Variants in FAM149B1 observed in about 807,000 individuals in gnomAD.
FAM149B1 encodes the protein family with sequence similarity 149 member B1.
Under a neutral mutation model 75.3 loss-of-function variants are expected in FAM149B1, and 56 were observed. The observed-to-expected ratio is 0.74, with a 90% CI of 0.60 to 0.93. The LOEUF (loss-of-function observed/expected upper bound fraction) is 0.93, where lower values mean the gene tolerates loss of function less well. FAM149B1 is among the 40% of genes least tolerant of loss of function. The probability of loss-of-function intolerance (pLI) is 0.00; values close to 1 mark genes in which losing one functional copy is unlikely to be tolerated. For synonymous variants in FAM149B1, 259 were observed against 256.1 expected (o/e 1.01, Z -0.11); for missense variants, 639 against 708.4 (o/e 0.90, Z 1.11).
At chr10:73,170,613 G>C (rs1167246147) in intron 1 of FAM149B1, among the ~76,000 whole-genome samples, 1 of 152,020 alleles carries the variant, frequency 6.6e-6, no homozygotes, top group African/African-American at 2.4e-5. Flanking sequence ...CTTTTACTTG[G>C]GATACAATAG....
chr10:73,189,971 T>C (rs1370149780), intron 3 of FAM149B1, among the ~76,000 whole-genome samples: 1 of 152,210 alleles, frequency 6.6e-6, no homozygotes, highest in Non-Finnish European at 1.5e-5. Flanking sequence ...GATATTAACT[T>C]AAGAACAGGC....
At chr10:73,187,292 A>G (rs999242843) in intron 3 of FAM149B1, among the ~76,000 whole-genome samples, 6 of 151,540 alleles carry the variant, frequency 4.0e-5, no homozygotes, top group African/African-American at 1.5e-4. Context: ...ATTAATCTAT[A>G]TATCAGTGCA....
At chr10:73,205,794 C>T (rs1020731478) in intron 5 of FAM149B1, among the ~76,000 whole-genome samples, 2 of 152,022 alleles carry the variant, frequency 1.3e-5, no homozygotes, top group Non-Finnish European at 2.9e-5. Flanking sequence ...CCTCGTGATC[C>T]GCCTGCCTCA....
chr10:73,184,931 T>C (rs958549095), intron 3 of FAM149B1, among the ~76,000 whole-genome samples: 2 of 151,430 alleles, frequency 1.3e-5, no homozygotes, highest in African/African-American at 4.9e-5. Flanking sequence ...AGAAAAACAA[T>C]AGAGAAAATA....
intron 2 of FAM149B1, 68 bp from the exon 3 acceptor site, chr10:73,177,778 G>A: frequency 7.0e-7 from 1 of 1,425,768 alleles, no homozygotes; most frequent in Non-Finnish European, 9.4e-7. Context: ...AGTAGTTAAT[G>A]CCACAGAAAC....
chr10:73,192,325 C>G, intron 3 of FAM149B1: 2 of 437,880 alleles, frequency 4.6e-6, no homozygotes, highest in Non-Finnish European at 8.1e-6. Context: ...TTGGACCAGC[C>G]TAAAAAACAG....
intron 7 of FAM149B1, among the ~76,000 whole-genome samples, chr10:73,212,620 C>CA (rs1197706513): frequency 6.6e-6 from 1 of 152,042 alleles, no homozygotes; most frequent in Non-Finnish European, 1.5e-5. Flanking sequence ...TGTATATACT[C>CA]AAGAGTGGGA....
At chr10:73,184,678 G>A (rs79950407) in intron 3 of FAM149B1, among the ~76,000 whole-genome samples, 7,688 of 152,122 alleles carry the variant, frequency 0.051, 598 homozygotes, top group African/African-American at 0.17. Flanking sequence ...AATAACCCAT[G>A]GGTTGAAAAA....
At chr10:73,213,895 G>A (rs2043242796) in intron 7 of FAM149B1, among the ~76,000 whole-genome samples, 1 of 152,070 alleles carries the variant, frequency 6.6e-6, no homozygotes, top group Non-Finnish European at 1.5e-5. Context: ...TGTGGAATCT[G>A]TAGACTGATT....
At chr10:73,205,367 C>G (rs537433993) in intron 5 of FAM149B1, among the ~76,000 whole-genome samples, 1 of 152,092 alleles carries the variant, frequency 6.6e-6, no homozygotes, top group East Asian at 1.9e-4. Context: ...TTCTTCTGCT[C>G]TGGTCGTGTG....
chr10:73,236,414 T>C (rs931152165), intron 12 of FAM149B1, among the ~76,000 whole-genome samples: 3 of 114,376 alleles, frequency 2.6e-5, no homozygotes, highest in Admixed American at 7.9e-5. Context: ...AATTTCTGCC[T>C]TTTTTTTTTT....
intron 12 of FAM149B1, among the ~76,000 whole-genome samples, chr10:73,237,932 G>A (rs1218844613): frequency 2.0e-5 from 3 of 151,984 alleles, no homozygotes; most frequent in Non-Finnish European, 2.9e-5. Flanking sequence ...AAACTGAACA[G>A]ATGAAAATGT....
chr10:73,168,401 C>T lies in FAM149B1; in HGVS notation c.47+15C>T. On this transcript the variant is annotated intron_variant, in intron 1 of 13. Coordinates refer to ENST00000242505, the MANE Select transcript of FAM149B1 (RefSeq NM_173348.2). ...AGCTTGGAGCTGTGAGTGGACTGCT[C>T]AGCCACCCCAGCCGGGGCGGGCGGC... 5 of 1,549,100 alleles carry T rather than the reference C, an allele frequency of 3.2e-6. No individual in the cohort carries two copies. Among genetic ancestry groups the T allele is most frequent in the Non-Finnish European group, 4.4e-6 (5 of 1,146,520 alleles).
At chr10:73,179,110 G>T (rs538641971) in intron 3 of FAM149B1, among the ~76,000 whole-genome samples, 2 of 151,868 alleles carry the variant, frequency 1.3e-5, no homozygotes, top group Non-Finnish European at 2.9e-5. Context: ...GACTATAAGC[G>T]TGCACCACCA....
At chr10:73,199,421 GTT>G (rs1386917063) in intron 5 of FAM149B1, among the ~76,000 whole-genome samples, 2 of 152,068 alleles carry the variant, frequency 1.3e-5, no homozygotes, top group Non-Finnish European at 2.9e-5. Context: ...GTTTCACTGT[GTT>G]TGCCAGGATG....
intron 7 of FAM149B1, among the ~76,000 whole-genome samples, chr10:73,213,033 G>A (rs1363930018): frequency 6.6e-6 from 1 of 152,018 alleles, no homozygotes; most frequent in African/African-American, 2.4e-5. Flanking sequence ...TTTTTGTAGA[G>A]GCAGGGTTTA....
chr10:73,170,404 C>A (rs926890841), intron 1 of FAM149B1, among the ~76,000 whole-genome samples: 1 of 151,746 alleles, frequency 6.6e-6, no homozygotes, highest in Non-Finnish European at 1.5e-5. Flanking sequence ...CTTGGGAGGC[C>A]GAGGCATGAG....
intron 13 of FAM149B1, among the ~76,000 whole-genome samples, chr10:73,240,472 G>A (rs954568296): frequency 2.0e-5 from 3 of 152,098 alleles, no homozygotes; most frequent in East Asian, 1.9e-4. Flanking sequence ...CAGCACTTTC[G>A]GAGGCCAAGG....
intron 3 of FAM149B1, among the ~76,000 whole-genome samples, chr10:73,191,074 T>G (rs1168156399): frequency 6.6e-6 from 1 of 151,984 alleles, no homozygotes; most frequent in Admixed American, 6.6e-5. Context: ...GAGTTTTGCT[T>G]TTGTTGCCCA....
Sources: gnomAD v4.1 joint callset for allele counts (sites outside exome capture counted in the v4.1 genomes callset) on GRCh38, gnomAD v4.1.1 for gene constraint, MANE v1.5 for transcripts, NCBI Gene and HGNC (gene_info 2026-07-23, HGNC 2026-07-21) for gene names.